Variants in DNAH11 observed in about 807,000 individuals in gnomAD.
DNAH11 encodes axonemal beta dynein heavy chain 11.
DNAH11 carries 442 observed loss-of-function variants against 526.0 expected under a neutral mutation model. That is an observed-to-expected ratio of 0.84 (90% CI 0.78 to 0.91). DNAH11 has a LOEUF of 0.91. Among genes scored for constraint, DNAH11 ranks in the 40% least tolerant of loss-of-function variants. DNAH11 has a pLI of 0.00. For missense variants in DNAH11, 6,989 were observed against 5,448.7 expected (o/e 1.28, Z -8.90); for synonymous variants, 2,461 against 1,935.9 (o/e 1.27, Z -7.12).
intron 29 of DNAH11, among the ~76,000 whole-genome samples, chr7:21,657,262 T>A (rs551148135): frequency 6.6e-6 from 1 of 152,334 alleles, no homozygotes; most frequent in East Asian, 1.9e-4. Context: ...ATACCTACTA[T>A]GCATCAGATG....
intron 55 of DNAH11, among the ~76,000 whole-genome samples, chr7:21,771,274 T>C (rs191358418): frequency 1.1e-3 from 173 of 152,322 alleles, no homozygotes; most frequent in African/African-American, 3.9e-3. Flanking sequence ...TAGTCATCTT[T>C]GCTGGTCTTG....
intron 36 of DNAH11, 63 bp downstream of exon 36, chr7:21,698,276 G>A: frequency 4.4e-6 from 7 of 1,583,194 alleles, no homozygotes; most frequent in Non-Finnish European, 6.0e-6. Flanking sequence ...TTTGAAGTAT[G>A]GATTTTAGGT....
intron 45 of DNAH11, among the ~76,000 whole-genome samples, chr7:21,727,480 A>G (rs1785177479): frequency 6.6e-6 from 1 of 152,226 alleles, no homozygotes; most frequent in African/African-American, 2.4e-5. Context: ...TTTCACAGTC[A>G]TGTGACAGCT....
At chr7:21,610,122 C>T (rs967495813) in intron 20 of DNAH11, among the ~76,000 whole-genome samples, 10 of 152,186 alleles carry the variant, frequency 6.6e-5, no homozygotes, top group African/African-American at 9.6e-5. Context: ...GGCGTGGTGG[C>T]AGGCGCTTGT....
intron 2 of DNAH11, among the ~76,000 whole-genome samples, chr7:21,546,461 C>T (rs1782809802): frequency 6.6e-6 from 1 of 152,178 alleles, no homozygotes; most frequent in Admixed American, 6.5e-5. Flanking sequence ...AGACCACTAT[C>T]AACTGGAACT....
rs761820472 is a variant in DNAH11 at position 21,601,491 on chromosome 7, T to A, written c.3521T>A (p.Val1174Glu). 2 of 1,613,846 alleles carry A rather than the reference T, an allele frequency of 1.2e-6. No individual in the cohort carries two copies. The highest frequency in any genetic ancestry group is 4.5e-5 in the East Asian group (2 of 44,872). ...GDHDGLVDIM[V>E]HLLAVRSRQR... The stretch of plus-strand genomic sequence containing the variant: ...CATGATGGTTTAGTTGACATCATGG[T>A]GCATCTTCTGGCTGTAAGAAGCCGA... The change falls in exon 18 of 82, where the codon GTG becomes GAG. Residue 1174 changes from valine (V) to glutamate (E), a missense_variant. By Grantham distance (121) the Val-to-Glu change is moderately radical. Transcript: ENST00000409508.
At chr7:21,845,724 C>G (rs1354411924) in intron 66 of DNAH11, among the ~76,000 whole-genome samples, 1 of 152,058 alleles carries the variant, frequency 6.6e-6, no homozygotes, top group Non-Finnish European at 1.5e-5. Context: ...TTAATATAAA[C>G]TTTAGAATCA....
chr7:21,787,340 A>G (rs1276700721), intron 59 of DNAH11, 61 bp from the exon 60 acceptor site: 1 of 1,516,240 alleles, frequency 6.6e-7, no homozygotes, highest in African/African-American at 1.4e-5. Context: ...TTAACTTTTG[A>G]TCTTGGAATT....
chr7:21,586,555 C>T (rs1348738984), intron 9 of DNAH11, among the ~76,000 whole-genome samples: 1 of 152,092 alleles, frequency 6.6e-6, no homozygotes, highest in Non-Finnish European at 1.5e-5. Flanking sequence ...ATAATTTTTT[C>T]ATGGTAATTT....
At position 21,807,966 on chromosome 7, in the gene DNAH11, T is replaced by C. The variant is rs1238185940; in HGVS notation, c.10249T>C (p.Phe3417Leu). The C allele has an allele frequency of 2.5e-6, 4 of 1,608,288 alleles. No individual in the cohort carries two copies. The highest frequency in any genetic ancestry group is 3.4e-6 in the Non-Finnish European group (4 of 1,176,498). Residue 3417 changes from phenylalanine to leucine, a missense_variant, in exon 63 of 82, where the codon TTT becomes CTT. Phe to Leu is a conservative substitution (Grantham distance 22). Coordinates refer to ENST00000409508, the MANE Select transcript of DNAH11 (RefSeq NM_001277115.2). ...LCGDVLLTAA[F>L]VSYVGPFTRQ... is the part of the protein sequence containing the mutation. ...TGGAGATGTTCTTCTCACGGCGGCA[T>C]TTGTGTCTTACGTCGGACCCTTCAC... is the stretch of plus-strand genomic sequence containing the variant.
intron 54 of DNAH11, among the ~76,000 whole-genome samples, chr7:21,761,953 G>T (rs888005230): frequency 2.0e-5 from 3 of 152,156 alleles, no homozygotes; most frequent in Admixed American, 6.5e-5. Flanking sequence ...CCATATGGCT[G>T]GAGAGGCCTC....
intron 54 of DNAH11, 150 bp downstream of exon 54, chr7:21,750,514 C>G: frequency 2.7e-6 from 3 of 1,095,266 alleles, no homozygotes; most frequent in Non-Finnish European, 3.9e-6. Context: ...CTGGAGCGTA[C>G]CTTCCTAAAG....
At chr7:21,678,204 G>GAC (rs1782982960) in intron 30 of DNAH11, among the ~76,000 whole-genome samples, 1 of 151,170 alleles carries the variant, frequency 6.6e-6, no homozygotes, top group African/African-American at 2.4e-5. Flanking sequence ...TACAGTTTCA[G>GAC]GTCTTATCTT....
chr7:21,739,439 A>G, intron 47 of DNAH11, 132 bp from the exon 48 acceptor site: 2 of 630,676 alleles, frequency 3.2e-6, no homozygotes, highest in Non-Finnish European at 5.3e-6. Context: ...AATAAGGCTC[A>G]CTAGGTCAAC....
chr7:21,690,490 C>G lies in DNAH11; in HGVS notation c.5925-275C>G, dbSNP rs4722048. 0.047 allele frequency among the ~76,000 whole-genome samples: 7,186 copies of G among 152,142 alleles called. 238 individuals are homozygous for G. Among genetic ancestry groups the G allele is most frequent in the Non-Finnish European group, 0.067 (4,566 of 67,960 alleles). ...TCCTTCCATTAAATGTTAAAATAGT[C>G]AAGTCTTTATTTTTATATTCTAGGA... On this transcript the variant is annotated intron_variant, in intron 34 of 81. Coordinates refer to ENST00000409508, the MANE Select transcript of DNAH11 (RefSeq NM_001277115.2).
intron 30 of DNAH11, among the ~76,000 whole-genome samples, chr7:21,679,799 G>A (rs1783063861): frequency 6.6e-6 from 1 of 152,154 alleles, no homozygotes; most frequent in Non-Finnish European, 1.5e-5. Flanking sequence ...ATTGGCAAAT[G>A]TGGTTAATAG....
chr7:21,777,301 G>T (rs1012596952), intron 56 of DNAH11, among the ~76,000 whole-genome samples: 1 of 152,064 alleles, frequency 6.6e-6, no homozygotes. Context: ...ACAGAATGAA[G>T]GTAGCACAAT....
At chr7:21,790,356 A>C (rs1788427476) in intron 61 of DNAH11, among the ~76,000 whole-genome samples, 1 of 152,100 alleles carries the variant, frequency 6.6e-6, no homozygotes. Context: ...AGGCTGAGGC[A>C]GGAGAATGGC....
chr7:21,612,554 C>CAAAAAAAAAAAAAAAAAAAAAAAAAAAA (rs34356379), intron 20 of DNAH11, among the ~76,000 whole-genome samples: 3 of 81,238 alleles, frequency 3.7e-5, no homozygotes, highest in East Asian at 2.9e-4. Flanking sequence ...GGCTCCGTCT[C>CAAAAAAAAAAAAAAAAAAAAAAAAAAAA]AAAAAAAAAA....
Sources: gnomAD v4.1 joint callset for allele counts (sites outside exome capture counted in the v4.1 genomes callset) on GRCh38, gnomAD v4.1.1 for gene constraint, MANE v1.5 for transcripts, NCBI Gene and HGNC (gene_info 2026-07-23, HGNC 2026-07-21) for gene names.